Variants in MASTL observed in about 807,000 individuals in gnomAD.
The protein encoded by MASTL is serine/threonine-protein kinase greatwall.
Under a neutral mutation model 82.5 loss-of-function variants are expected in MASTL, and 54 were observed. The observed-to-expected ratio is 0.65, with a 90% CI of 0.53 to 0.82. MASTL has a LOEUF of 0.82. Among genes scored for constraint, MASTL ranks in the 40% least tolerant of loss-of-function variants. The pLI is 0.00. For missense variants in MASTL, 950 were observed against 1,047.8 expected, an observed-to-expected ratio of 0.91 and a Z score of 1.29; for synonymous variants, 323 against 368.9, an observed-to-expected ratio of 0.88 and a Z score of 1.43.
At chr10:27,171,221 G>T in intron 8 of MASTL, 138 bp downstream of exon 8, 2 of 760,330 alleles carry the variant, frequency 2.6e-6, no homozygotes, top group South Asian at 1.8e-5. Flanking sequence ...GCTGTTGGAA[G>T]TTTTCACCCA....
intron 11 of MASTL, among the ~76,000 whole-genome samples, chr10:27,182,708 A>G (rs2058392497): frequency 6.6e-6 from 1 of 152,106 alleles, no homozygotes; most frequent in African/African-American, 2.4e-5. Context: ...ACGCCACTGC[A>G]TTTCAGCCTG....
chr10:27,164,724 G>A (rs189205177), intron 4 of MASTL, among the ~76,000 whole-genome samples: 5 of 151,620 alleles, frequency 3.3e-5, no homozygotes, highest in Admixed American at 2.0e-4. Flanking sequence ...TGCAACCTCC[G>A]CCTCCCGTGT....
chr10:27,182,062 G>A (rs1352665710), intron 11 of MASTL, among the ~76,000 whole-genome samples: 3 of 144,694 alleles, frequency 2.1e-5, no homozygotes, highest in African/African-American at 7.7e-5. Flanking sequence ...GCAACAGAGC[G>A]AGACTCCCTC....
At chr10:27,155,294 A>G, upstream of MASTL, 1 of 863,058 alleles carries the variant, frequency 1.2e-6, no homozygotes, top group Non-Finnish European at 1.8e-6. Context: ...GGAGGTGACG[A>G]GGGCGGGGCG....
chr10:27,186,361 T>C lies in MASTL; in HGVS notation c.2483-18T>C. The C allele has an allele frequency of 6.2e-7, 1 of 1,612,284 alleles. No individual in the cohort carries two copies. The highest frequency in any genetic ancestry group is 8.5e-7 in the Non-Finnish European group (1 of 1,178,304). Reference sequence around the variant, plus strand: ...TAGGTAATGATATCATACTGTTTTGTTTTATATTTTTCCTAAGAGCTAAAA... The same window carrying C: ...TAGGTAATGATATCATACTGTTTTGCTTTATATTTTTCCTAAGAGCTAAAA... On this transcript the variant is annotated intron_variant, in intron 11 of 11. Transcript: ENST00000375940.
At chr10:27,161,862 G>A (rs1283543744) in intron 4 of MASTL, among the ~76,000 whole-genome samples, 1 of 151,996 alleles carries the variant, frequency 6.6e-6, no homozygotes, top group Admixed American at 6.6e-5. Flanking sequence ...ATGATGAAGG[G>A]TTAATAACTG....
intron 10 of MASTL, among the ~76,000 whole-genome samples, 164 bp from the exon 11 acceptor site, chr10:27,181,316 G>A (rs778233027): frequency 7.9e-5 from 12 of 152,084 alleles, no homozygotes; most frequent in Non-Finnish European, 1.8e-4. Context: ...GCTTGAACCT[G>A]GGAGGTGGAG....
intron 7 of MASTL, among the ~76,000 whole-genome samples, chr10:27,169,582 CAG>C (rs921150664): frequency 6.7e-6 from 1 of 149,046 alleles, no homozygotes; most frequent in African/African-American, 2.5e-5. Flanking sequence ...AAAAAAAAAA[CAG>C]AATCATCCAT....
rs759252612 is a variant in MASTL at position 27,181,514 on chromosome 10, T to C, written c.2415T>C (p.Ser805=). ...GGCCAGAAGGTGAAGAAAAGTTATC[T>C]GATAATGCTCAAAGTGCAGTAGAAA... ...IPWPEGEEKL[S]DNAQSAVEIL... The change falls in exon 11 of 12, where the codon TCT becomes TCC. Residue 805 remains serine (S), a synonymous_variant. Transcript: ENST00000375940. The C allele has an allele frequency of 3.7e-6, 6 of 1,613,144 alleles. No individual in the cohort carries two copies. In the South Asian group the frequency reaches 6.6e-5, roughly 18 times the overall value.
In MASTL at chr10:27,187,620, C is replaced by T. The variant is rs190360165; in HGVS notation, c.*1084C>T. 3.5e-3 allele frequency among the ~76,000 whole-genome samples: 522 copies of T among 150,664 alleles called. 2 individuals are homozygous for T. The highest frequency in any genetic ancestry group is 0.012 in the African/African-American group (497 of 41,100). Reference sequence around the variant, plus strand: ...TAGAAAAATTAGCCAGGTATGGTGACGCACACCTGTAGTCCCAGCTACTTG... The same window carrying T: ...TAGAAAAATTAGCCAGGTATGGTGATGCACACCTGTAGTCCCAGCTACTTG... On this transcript the variant is annotated 3_prime_UTR_variant, in exon 12 of 12. Coordinates refer to ENST00000375940, the MANE Select transcript of MASTL (RefSeq NM_001172303.3).
At chr10:27,158,716 T>C (rs1217232073) in intron 2 of MASTL, 30 bp downstream of exon 2, 1 of 1,610,048 alleles carries the variant, frequency 6.2e-7, no homozygotes, top group South Asian at 1.1e-5. Flanking sequence ...GTTGTTTCTT[T>C]ATCCATTAAG....
intron 11 of MASTL, among the ~76,000 whole-genome samples, chr10:27,185,514 T>G (rs2136257377): frequency 6.7e-6 from 1 of 148,752 alleles, no homozygotes; most frequent in East Asian, 2.0e-4. Flanking sequence ...ACATCTGTAA[T>G]CCCAGCTACT....
chr10:27,177,872 A>G (rs2058150441), intron 9 of MASTL: 4 of 655,420 alleles, frequency 6.1e-6, no homozygotes, highest in Non-Finnish European at 7.5e-6. Context: ...GAACAGTCAA[A>G]GTATAACTAG....
In MASTL at chr10:27,182,586, A is replaced by G. The variant is rs182523714; in HGVS notation, c.2482+1005A>G. On this transcript the variant is annotated intron_variant, in intron 11 of 11. Transcript: ENST00000375940. Reference sequence around the variant, plus strand: ...CATGGTGAAACTGTCTCTACAAAAAATACAAAAAATAGCCAAGCAAGGCAG... The same window carrying G: ...CATGGTGAAACTGTCTCTACAAAAAGTACAAAAAATAGCCAAGCAAGGCAG... Among the ~76,000 whole-genome samples, 13 of 152,218 alleles carry G rather than the reference A, an allele frequency of 8.5e-5. No individual in the cohort carries two copies. The East Asian group carries it at 2.5e-3, about 29-fold the overall frequency.
chr10:27,176,366 C>T (rs2136124191), intron 9 of MASTL, among the ~76,000 whole-genome samples: 1 of 152,196 alleles, frequency 6.6e-6, no homozygotes, highest in South Asian at 2.1e-4. Context: ...TCATTGCCAC[C>T]GGATTTTTCT....
At chr10:27,157,533 G>A (rs568452314) in intron 1 of MASTL, among the ~76,000 whole-genome samples, 7 of 152,172 alleles carry the variant, frequency 4.6e-5, no homozygotes, top group South Asian at 2.1e-4. Flanking sequence ...TTAAGTACTC[G>A]AATAAATCTT....
At chr10:27,183,857 G>A (rs112976105) in intron 11 of MASTL, among the ~76,000 whole-genome samples, 11,377 of 151,994 alleles carry the variant, frequency 0.075, 480 homozygotes, top group South Asian at 0.16. Context: ...TACTACTGGT[G>A]CACACTACCA....
At chr10:27,159,000 G>A (rs1452769843) in intron 2 of MASTL, among the ~76,000 whole-genome samples, 1 of 152,218 alleles carries the variant, frequency 6.6e-6, no homozygotes, top group African/African-American at 2.4e-5. Flanking sequence ...AAGAGTTCAA[G>A]ACCAACTTGG....
intron 9 of MASTL, among the ~76,000 whole-genome samples, chr10:27,176,320 T>C (rs2058100220): frequency 6.6e-6 from 1 of 152,232 alleles, no homozygotes; most frequent in Non-Finnish European, 1.5e-5. Context: ...AGTGCCCTTC[T>C]ATCTGATCTC....
Sources: allele counts gnomAD v4.1 joint callset (sites outside exome capture counted in the v4.1 genomes callset), GRCh38; gene constraint gnomAD v4.1.1; transcripts MANE v1.5; gene names NCBI Gene and HGNC (gene_info 2026-07-23, HGNC 2026-07-21).